UGGT1: variants seen among roughly 807,000 people sequenced by gnomAD.
The protein encoded by UGGT1 is UDP-glucose glycoprotein glucosyltransferase 1, also known as UDP-glucose:glycoprotein glucosyltransferase 1.
A neutral mutation model predicts 203.9 loss-of-function variants in UGGT1; 107 were observed. The observed-to-expected ratio is 0.52, with a 90% CI of 0.45 to 0.62. UGGT1 has a LOEUF of 0.62. UGGT1 is among the 20% of genes least tolerant of loss of function. The pLI is 0.00. For synonymous variants in UGGT1, 628 were observed against 653.5 expected, an observed-to-expected ratio of 0.96 and a Z score of 0.59; for missense variants, 1,673 against 1,867.2, an observed-to-expected ratio of 0.90 and a Z score of 1.92.
At chr2:128,134,774 G>GA in intron 14 of UGGT1, 102 bp from the exon 15 acceptor site, 1 of 962,864 alleles carries the variant, frequency 1.0e-6, no homozygotes, top group South Asian at 1.4e-5. Context: ...AGCGTAGCTC[G>GA]AAAAAGGTTG....
Position 128,155,541 on chromosome 2 carries a change from C to T in UGGT1, c.2190C>T (p.Gly730=). ...YARFTILDSQ[G]KTAAVANSMN... ...GATTTACTATCTTGGATTCCCAAGG[C>T]AAGACTGCTGCTGTAGCCAATAGTA... Residue 730 remains glycine (G), a synonymous_variant, in exon 20 of 41, where the codon GGC becomes GGT. Coordinates refer to ENST00000259253, the MANE Select transcript of UGGT1 (RefSeq NM_020120.4). 6.2e-7 allele frequency: 1 copy of T among 1,613,436 alleles called. No individual in the cohort carries two copies. The highest frequency in any genetic ancestry group is 8.5e-7 in the Non-Finnish European group (1 of 1,179,788).
At chr2:128,120,961 G>C (rs1220742838) in intron 9 of UGGT1, among the ~76,000 whole-genome samples, 2 of 3,426 alleles carry the variant, frequency 5.8e-4, no homozygotes, top group Non-Finnish European at 8.7e-3. Flanking sequence ...CGTTAGTGTA[G>C]CGTTAGTGTG....
chr2:128,168,068 T>C (rs1401267363), intron 26 of UGGT1, among the ~76,000 whole-genome samples: 4 of 152,248 alleles, frequency 2.6e-5, no homozygotes, highest in African/African-American at 9.6e-5. Flanking sequence ...AATTCTAGAA[T>C]AGCAGAGAGG....
intron 7 of UGGT1, 107 bp downstream of exon 7, chr2:128,115,327 T>G: frequency 1.0e-6 from 1 of 983,242 alleles, no homozygotes; most frequent in Non-Finnish European, 1.5e-6. Flanking sequence ...GAACCTGTGT[T>G]TGCATCCTGG....
chr2:128,113,273 AT>A lies in UGGT1; in HGVS notation c.696+19del. 6.4e-7 allele frequency: 1 copy of A among 1,561,384 alleles called. No homozygotes were observed. The highest frequency in any genetic ancestry group is 1.8e-5 in the Admixed American group (1 of 55,100). On this transcript the variant is annotated intron_variant, in intron 6 of 40. Coordinates refer to ENST00000259253, the MANE Select transcript of UGGT1 (RefSeq NM_020120.4). ...ATTATATATTTGTAAGTATTGACTT[AT>A]TTTACACCTGTTTTGAATGTAATTT...
chr2:128,138,730 T>C lies in UGGT1; in HGVS notation c.1597T>C (p.Phe533Leu). 2 of 1,613,450 alleles carry C rather than the reference T, an allele frequency of 1.2e-6. No homozygotes were observed. Among genetic ancestry groups the C allele is most frequent in the Non-Finnish European group, 1.7e-6 (2 of 1,179,862 alleles). ...NHIPLRIGFIFVVNDSEDVDG... is the reference protein window; with the variant it reads ...NHIPLRIGFILVVNDSEDVDG... ...CTTTCCCTCCAGAATTGGTTTTATC[T>C]TTGTGGTTAATGACTCTGAAGATGT... The change falls in exon 16 of 41, where the codon TTT becomes CTT. Residue 533 changes from phenylalanine (F) to leucine (L), a missense_variant. Physicochemically the swap from Phe to Leu is conservative, Grantham distance 22. Around this residue, in one of 4 missense-constraint regions of UGGT1, gnomAD observed 1,073 missense variants for 1,078.7 expected, o/e 0.99. Coordinates refer to ENST00000259253, the MANE Select transcript of UGGT1 (RefSeq NM_020120.4).
At chr2:128,171,093 T>G in intron 27 of UGGT1, 112 bp from the exon 28 acceptor site, 1 of 975,564 alleles carries the variant, frequency 1.0e-6, no homozygotes. Context: ...CAGTGCAGAC[T>G]CTGTGGCTGT....
At position 128,094,913 on chromosome 2, in the gene UGGT1, T is replaced by A. The variant is rs926261065; in HGVS notation, c.59-2516T>A. 6.6e-5 allele frequency among the ~76,000 whole-genome samples: 10 copies of A among 151,974 alleles called. 1 individual carries two copies. The highest frequency in any genetic ancestry group is 2.4e-4 in the African/African-American group (10 of 41,358). ...ACAGGCACCTGCCACTATGCCTGGC[T>A]AATTTTTGTATTTTTAGTAGAGACG... On this transcript the variant is annotated intron_variant, in intron 1 of 40. Transcript: ENST00000259253.
chr2:128,105,700 A>T (rs1040256894), intron 3 of UGGT1, among the ~76,000 whole-genome samples: 2 of 151,956 alleles, frequency 1.3e-5, no homozygotes, highest in African/African-American at 4.8e-5. Context: ...GTTTTAGCAG[A>T]GACGGGGTTT....
rs756863185 is a variant in UGGT1 at position 128,159,592 on chromosome 2, A to C, written c.2434A>C (p.Arg812=). The C allele has an allele frequency of 1.7e-5, 27 of 1,614,124 alleles. No individual in the cohort carries two copies. In the South Asian group the frequency reaches 2.9e-4, roughly 17 times the overall value. The change falls in exon 23 of 41, where the codon AGA becomes CGA. Residue 812 remains arginine (R), a synonymous_variant. Coordinates refer to ENST00000259253, the MANE Select transcript of UGGT1 (RefSeq NM_020120.4). The part of the protein sequence containing the change: ...EISYENTQIS[R]AIWAALQTQT... Reference sequence around the variant, plus strand: ...AAGCTATGAGAACACTCAGATCTCCAGAGCAATCTGGGCAGCTCTCCAAAC... The same window carrying C: ...AAGCTATGAGAACACTCAGATCTCCCGAGCAATCTGGGCAGCTCTCCAAAC...
chr2:128,096,205 C>T (rs1477859347), intron 1 of UGGT1, among the ~76,000 whole-genome samples: 1 of 152,148 alleles, frequency 6.6e-6, no homozygotes, highest in Non-Finnish European at 1.5e-5. Context: ...CCCTAGATCC[C>T]TCATTTTGTA....
At chr2:128,113,004 A>C in intron 5 of UGGT1, 80 bp from the exon 6 acceptor site, 1 of 1,274,000 alleles carries the variant, frequency 7.8e-7, no homozygotes. Context: ...GAATTTTCAT[A>C]ACTGTACTTT....
chr2:128,143,131 T>A lies in UGGT1; in HGVS notation c.1757T>A (p.Val586Asp). 6.2e-7 allele frequency: 1 copy of A among 1,613,868 alleles called. No individual in the cohort carries two copies. Among genetic ancestry groups the A allele is most frequent in the Non-Finnish European group, 8.5e-7 (1 of 1,179,892 alleles). ...NKVRTGEKVK[V>D]EHVVSVLEKK... ...GTGAGGACTGGAGAAAAAGTGAAAG[T>A]TGAACATGTGGTCAGTGTCCTGGAG... The change falls in exon 17 of 41, where the codon GTT becomes GAT. Residue 586 changes from valine to aspartate, a missense_variant. Physicochemically the swap from Val to Asp is radical, Grantham distance 152 (BLOSUM62 -3). Coordinates refer to ENST00000259253, the MANE Select transcript of UGGT1 (RefSeq NM_020120.4).
intron 5 of UGGT1, among the ~76,000 whole-genome samples, chr2:128,112,250 G>T (rs1687890373): frequency 6.6e-6 from 1 of 150,608 alleles, no homozygotes; most frequent in African/African-American, 2.4e-5. Context: ...ATGAAACACT[G>T]TCTCTACTAA....
intron 40 of UGGT1, among the ~76,000 whole-genome samples, chr2:128,189,275 T>G (rs531578606): frequency 6.6e-6 from 1 of 152,174 alleles, no homozygotes; most frequent in Non-Finnish European, 1.5e-5. Flanking sequence ...CTGAAAGAAA[T>G]AATTCAACAG....
At chr2:128,134,395 GT>G (rs1689031732) in intron 14 of UGGT1, among the ~76,000 whole-genome samples, 1 of 152,146 alleles carries the variant, frequency 6.6e-6, no homozygotes, top group African/African-American at 2.4e-5. Context: ...ATCTCATTCT[GT>G]TTTACCACAT....
At chr2:128,165,920 C>G (rs1217939277) in intron 26 of UGGT1, among the ~76,000 whole-genome samples, 1 of 152,070 alleles carries the variant, frequency 6.6e-6, no homozygotes, top group Non-Finnish European at 1.5e-5. Flanking sequence ...TGCCACCATG[C>G]CTGGCTAGTT....
intron 18 of UGGT1, 110 bp downstream of exon 18, chr2:128,146,077 G>A: frequency 7.6e-7 from 1 of 1,320,478 alleles, no homozygotes; most frequent in East Asian, 2.5e-5. Flanking sequence ...GGAGGCTGAG[G>A]CGAGAGGATG....
intron 1 of UGGT1, among the ~76,000 whole-genome samples, chr2:128,096,741 C>A (rs1687132953): frequency 6.6e-6 from 1 of 152,184 alleles, no homozygotes; most frequent in Admixed American, 6.6e-5. Context: ...CACAGTTCAA[C>A]CCTTAATACC....
Sources: gnomAD v4.1 joint callset for allele counts (sites outside exome capture counted in the v4.1 genomes callset) on GRCh38, gnomAD v4.1.1 for gene constraint, gnomAD v4.1.1 regional missense constraint, MANE v1.5 for transcripts, NCBI Gene and HGNC (gene_info 2026-07-23, HGNC 2026-07-21) for gene names.